Variants in SUPT3H observed in about 807,000 individuals in gnomAD.
SUPT3H encodes the protein transcription initiation protein SPT3 homolog.
In SUPT3H, 44 loss-of-function variants were observed where a neutral mutation model predicts 44.3. The observed-to-expected ratio is 0.99, with a 90% CI of 0.78 to 1.28. The LOEUF (loss-of-function observed/expected upper bound fraction) is 1.28, where lower values mean the gene tolerates loss of function less well. SUPT3H is among the 50% of genes most tolerant of loss of function. The pLI is 0.00. For missense variants in SUPT3H, 380 were observed against 387.1 expected (o/e 0.98, Z 0.15); for synonymous variants, 124 against 125.6 (o/e 0.99, Z 0.09).
At chr6:45,259,789 T>A (rs186438992) in intron 2 of SUPT3H, among the ~76,000 whole-genome samples, 1 of 152,234 alleles carries the variant, frequency 6.6e-6, no homozygotes, top group Admixed American at 6.5e-5. Flanking sequence ...TCCCCTCCAT[T>A]AAAGGCAGCA....
chr6:45,023,512 G>A (rs1785480803), intron 3 of SUPT3H, among the ~76,000 whole-genome samples: 1 of 152,002 alleles, frequency 6.6e-6, no homozygotes, highest in African/African-American at 2.4e-5. Context: ...CAATAACAAG[G>A]ACATGGAATC....
intron 3 of SUPT3H, among the ~76,000 whole-genome samples, chr6:45,027,405 C>T (rs949024204): frequency 3.3e-5 from 5 of 152,172 alleles, no homozygotes; most frequent in Non-Finnish European, 7.3e-5. Context: ...AGTTGATGAG[C>T]ATAGTTATGA....
At chr6:44,919,216 T>G (rs1231154301) in intron 10 of SUPT3H, among the ~76,000 whole-genome samples, 1 of 152,100 alleles carries the variant, frequency 6.6e-6, no homozygotes, top group African/African-American at 2.4e-5. Context: ...CTCACAGAGA[T>G]AAAAGCTGCT....
chr6:45,222,507 T>C (rs757625435), intron 2 of SUPT3H, among the ~76,000 whole-genome samples: 4 of 152,046 alleles, frequency 2.6e-5, no homozygotes, highest in Admixed American at 6.5e-5. Context: ...TACAGGACCA[T>C]CAGAATGGCT....
At chr6:45,001,819 A>G (rs1782045201) in intron 6 of SUPT3H, among the ~76,000 whole-genome samples, 1 of 152,100 alleles carries the variant, frequency 6.6e-6, no homozygotes, top group Non-Finnish European at 1.5e-5. Flanking sequence ...CTCTGAGTCC[A>G]AAGTGGTTTC....
intron 2 of SUPT3H, chr6:45,328,264 A>C: frequency 7.4e-7 from 1 of 1,350,100 alleles, no homozygotes; most frequent in Non-Finnish European, 9.9e-7. Context: ...CTGCCTCTCC[A>C]GTAATAGTGC....
intron 2 of SUPT3H, among the ~76,000 whole-genome samples, chr6:45,302,229 A>G (rs940358526): frequency 2.0e-5 from 3 of 151,770 alleles, no homozygotes; most frequent in African/African-American, 4.8e-5. Context: ...ACTGAACCCA[A>G]TTTGTAGTCT....
intron 2 of SUPT3H, among the ~76,000 whole-genome samples, chr6:45,127,439 A>C (rs1802612491): frequency 6.6e-6 from 1 of 152,218 alleles, no homozygotes; most frequent in South Asian, 2.1e-4. Context: ...CCACAACAAT[A>C]CTATGAGGTA....
chr6:45,346,035 T>C (rs1410021378), intron 2 of SUPT3H, among the ~76,000 whole-genome samples: 2 of 152,136 alleles, frequency 1.3e-5, no homozygotes, highest in Non-Finnish European at 2.9e-5. Context: ...TTGCCTATCC[T>C]TGAAGAAAAA....
intron 2 of SUPT3H, among the ~76,000 whole-genome samples, chr6:45,274,822 T>A (rs1776747897): frequency 6.6e-6 from 1 of 152,140 alleles, no homozygotes; most frequent in South Asian, 2.1e-4. Flanking sequence ...AGGTCGAGAC[T>A]GCAGTGAGCC....
chr6:45,252,073 T>C (rs1772477362), intron 2 of SUPT3H, among the ~76,000 whole-genome samples: 1 of 152,214 alleles, frequency 6.6e-6, no homozygotes, highest in African/African-American at 2.4e-5. Context: ...TTTAGCTCCA[T>C]GTTCCAAATT....
At chr6:44,813,847 G>C (rs55662560) in intron 11 of SUPT3H, among the ~76,000 whole-genome samples, 113 of 151,844 alleles carry the variant, frequency 7.4e-4, no homozygotes, top group African/African-American at 2.6e-3. Context: ...GGGTACAGAA[G>C]ACATATAATG....
chr6:44,935,414 C>T (rs998832678), intron 9 of SUPT3H, among the ~76,000 whole-genome samples: 2 of 152,144 alleles, frequency 1.3e-5, no homozygotes, highest in African/African-American at 2.4e-5. Context: ...TATACTTATA[C>T]ATCAATTCAT....
rs188244567 is a variant in SUPT3H, at chr6:45,217,659, G to A, written c.102-111653C>T. 9.2e-5 allele frequency among the ~76,000 whole-genome samples: 14 copies of A among 152,288 alleles called. No individual in the cohort carries two copies. In the East Asian group the frequency reaches 2.7e-3, roughly 29 times the overall value. On this transcript the variant is annotated intron_variant, in intron 2 of 10. Coordinates refer to ENST00000371459, the MANE Select transcript of SUPT3H (RefSeq NM_003599.4). Reference sequence around the variant, plus strand: ...TAATTCCAACACTTTGGGAGGCCAAGGCAGGTGGATCACTTGAGGTCAGGA... The same window carrying A: ...TAATTCCAACACTTTGGGAGGCCAAAGCAGGTGGATCACTTGAGGTCAGGA...
In SUPT3H at chr6:44,852,731, T is replaced by A. The variant is rs565757333; in HGVS notation, c.913-22874A>T. On this transcript the variant is annotated intron_variant, in intron 10 of 10. Coordinates refer to ENST00000371459, the MANE Select transcript of SUPT3H (RefSeq NM_003599.4). The stretch of plus-strand genomic sequence containing the variant: ...ATATTTTTAACCTTTAAGTGTTTTA[T>A]TAAACAAAAACTCCTATCAGCATAC... 7.2e-5 allele frequency among the ~76,000 whole-genome samples: 11 copies of A among 152,360 alleles called. No homozygotes were observed. The East Asian group carries it at 1.5e-3, about 21-fold the overall frequency.
chr6:44,824,566 C>T (rs540227416), downstream of SUPT3H, among the ~76,000 whole-genome samples: 1 of 152,194 alleles, frequency 6.6e-6, no homozygotes, highest in South Asian at 2.1e-4. Flanking sequence ...GGACATAAAT[C>T]AGAAGGTGGC....
chr6:45,181,412 C>T (rs1339629058), intron 2 of SUPT3H, among the ~76,000 whole-genome samples: 3 of 151,982 alleles, frequency 2.0e-5, no homozygotes, highest in African/African-American at 7.3e-5. Flanking sequence ...AAGACACATG[C>T]ACACATATGT....
At chr6:45,357,389 G>A (rs940782750) in intron 2 of SUPT3H, among the ~76,000 whole-genome samples, 1 of 151,960 alleles carries the variant, frequency 6.6e-6, no homozygotes, top group Non-Finnish European at 1.5e-5. Context: ...GGAGAACAGT[G>A]GCAGGATCAT....
chr6:45,062,990 G>A (rs962554629), intron 3 of SUPT3H, among the ~76,000 whole-genome samples: 1 of 151,596 alleles, frequency 6.6e-6, no homozygotes, highest in South Asian at 2.1e-4. Flanking sequence ...GCCTCTGTAG[G>A]CTCCACCTCT....
Sources: gnomAD v4.1 joint callset for allele counts (sites outside exome capture counted in the v4.1 genomes callset) on GRCh38, gnomAD v4.1.1 for gene constraint, MANE v1.5 for transcripts, NCBI Gene and HGNC (gene_info 2026-07-23, HGNC 2026-07-21) for gene names.